ZNF518A: variants seen among roughly 807,000 people sequenced by gnomAD.
The protein encoded by ZNF518A is zinc finger protein 518.
A neutral mutation model predicts 102.7 loss-of-function variants in ZNF518A; 47 were observed. The ratio of observed to expected loss-of-function variants is 0.46; its 90% confidence interval spans 0.36 to 0.58. The LOEUF is 0.58. ZNF518A is among the 20% of genes least tolerant of loss of function. The probability of loss-of-function intolerance (pLI) is 0.00; values close to 1 mark genes in which losing one functional copy is unlikely to be tolerated. For missense variants in ZNF518A, 1,793 were observed against 1,699.8 expected (o/e 1.05, Z -0.96); for synonymous variants, 652 against 594.6 (o/e 1.10, Z -1.40).
chr10:96,150,999 C>CCGGG (rs1170173013), intron 3 of ZNF518A, among the ~76,000 whole-genome samples: 1 of 151,866 alleles, frequency 6.6e-6, no homozygotes, highest in Non-Finnish European at 1.5e-5. Flanking sequence ...GTGATCCGCC[C>CCGGG]CCCTCGGCCT....
chr10:96,148,544 C>T (rs1413769014), intron 3 of ZNF518A, among the ~76,000 whole-genome samples: 1 of 48 alleles, frequency 0.021, no homozygotes, highest in African/African-American at 0.071. Context: ...AGGGTTTTCT[C>T]AGACTGTCCA....
chr10:96,138,292 G>C (rs2081721852), intron 3 of ZNF518A, among the ~76,000 whole-genome samples: 2 of 152,158 alleles, frequency 1.3e-5, no homozygotes, highest in Admixed American at 1.3e-4. Flanking sequence ...TAAAACCAAA[G>C]CCTTTACAGT....
In ZNF518A at chr10:96,157,431, G is replaced by A. The variant is rs782650203; in HGVS notation, c.1109G>A (p.Ser370Asn). The change falls in exon 6 of 6, where the codon AGT becomes AAT. Residue 370 changes from serine to asparagine, a missense_variant. Physicochemically the swap from Ser to Asn is conservative, Grantham distance 46. Coordinates refer to ENST00000316045, the MANE Select transcript of ZNF518A (RefSeq NM_001330736.2). ...AGCCATGTTGTTCAAGAGCATTTAA[G>A]TGAAGAAAAGGATGAAAGACTACAC... ...DQSHVVQEHL[S>N]EEKDERLHCE... is the part of the protein sequence containing the mutation. 1.9e-6 allele frequency: 3 copies of A among 1,613,478 alleles called. No individual in the cohort carries two copies. The Admixed American group carries it at 5.0e-5, about 27-fold the overall frequency.
At chr10:96,203,516 T>G (rs1554896711) in intron 1 of ZNF518A, 1 of 152,122 alleles carries the variant, frequency 6.6e-6, no homozygotes, top group Admixed American at 6.5e-5. Flanking sequence ...TGCAGGCAAA[T>G]TAAGGTTTGG....
chr10:96,167,911 A>G (rs782586727), downstream of ZNF518A, among the ~76,000 whole-genome samples: 6 of 152,256 alleles, frequency 3.9e-5, no homozygotes, highest in Non-Finnish European at 7.3e-5. Flanking sequence ...CGTTTTTATT[A>G]CAGGAGGTTG....
chr10:96,188,887 C>T (rs2083289183), intron 1 of ZNF518A, among the ~76,000 whole-genome samples: 1 of 152,166 alleles, frequency 6.6e-6, no homozygotes, highest in Non-Finnish European at 1.5e-5. Context: ...GCCACCAGGG[C>T]CATGCTCCCT....
rs782438272 is a variant in ZNF518A at position 96,160,216 on chromosome 10, G to A, written c.3894G>A (p.Lys1298=). ...GAAGAAAAGCAACATTGCATAGAAA[G>A]TGTAAAGAAAAGGCAAAACCTGAAG... ...PPRRKATLHR[K]CKEKAKPEDV... Residue 1298 remains lysine, a synonymous_variant, in exon 6 of 6, where the codon AAG becomes AAA. Transcript: ENST00000316045. 4.3e-6 allele frequency: 7 copies of A among 1,612,196 alleles called. No homozygotes were observed. The highest frequency in any genetic ancestry group is 1.7e-5 in the Admixed American group (1 of 59,628).
chr10:96,131,068 C>T (rs1472788968), intron 1 of ZNF518A, among the ~76,000 whole-genome samples: 1 of 152,112 alleles, frequency 6.6e-6, no homozygotes, highest in Non-Finnish European at 1.5e-5. Context: ...TGTTTTAGTG[C>T]AAACATTGTT....
chr10:96,159,154 T>C lies in ZNF518A; in HGVS notation c.2832T>C (p.Ile944=), dbSNP rs782613324. 1.2e-6 allele frequency: 2 copies of C among 1,613,652 alleles called. No homozygotes were observed. The highest frequency in any genetic ancestry group is 1.7e-6 in the Non-Finnish European group (2 of 1,179,740). ...AAGGATTCTTAATACCATTGAACAT[T>C]ACTAACAAGCCTGGGCTACCAGTTA... ...TSKGFLIPLN[I]TNKPGLPVIP... Residue 944 remains isoleucine, a synonymous_variant, in exon 6 of 6, where the codon ATT becomes ATC. Transcript: ENST00000316045.
chr10:96,183,663 A>C (rs1272744349), intron 1 of ZNF518A, among the ~76,000 whole-genome samples: 1 of 152,190 alleles, frequency 6.6e-6, no homozygotes, highest in Non-Finnish European at 1.5e-5. Context: ...ATTTGATTGC[A>C]CTGTGGTCTG....
chr10:96,190,214 T>C (rs1329974039), intron 1 of ZNF518A: 13 of 765,278 alleles, frequency 1.7e-5, no homozygotes, highest in Non-Finnish European at 2.8e-5. Context: ...CCATCGAATC[T>C]TCCATCAGGT....
chr10:96,151,736 A>G (rs782351967), intron 3 of ZNF518A, among the ~76,000 whole-genome samples: 8 of 152,214 alleles, frequency 5.3e-5, no homozygotes, highest in African/African-American at 1.9e-4. Flanking sequence ...CTCTCACCAG[A>G]CTGTTTGCTG....
intron 3 of ZNF518A, among the ~76,000 whole-genome samples, chr10:96,153,180 AAG>A (rs1246032116): frequency 1.3e-5 from 2 of 152,184 alleles, no homozygotes; most frequent in African/African-American, 2.4e-5. Flanking sequence ...GGGCAGGAGG[AAG>A]AGAGTATCCT....
At chr10:96,170,842 C>A (rs1404815963) in intron 1 of ZNF518A, among the ~76,000 whole-genome samples, 1 of 152,102 alleles carries the variant, frequency 6.6e-6, no homozygotes, top group African/African-American at 2.4e-5. Flanking sequence ...TCTGATTATG[C>A]ATTTTAATTT....
intron 3 of ZNF518A, among the ~76,000 whole-genome samples, chr10:96,146,727 TTC>T (rs1554878649): frequency 6.6e-6 from 1 of 152,230 alleles, no homozygotes; most frequent in Non-Finnish European, 1.5e-5. Context: ...CCTCATTGTG[TTC>T]TCTCTGGTCA....
chr10:96,200,662 T>C lies in ZNF518A; in HGVS notation n.36-2912T>C, dbSNP rs1229598075. On this transcript the variant is annotated intron_variant and non_coding_transcript_variant, in intron 1 of 2. Transcript: ENST00000442635. This position sits in a 1 kb window ranked among gnomAD's most constrained non-coding sequence, Gnocchi z 4.3. ...CCTTTATAAACTGTGCTGTCTTATA[T>C]GTGATTTAATATCATCAGCCTCTAC... is the stretch of plus-strand genomic sequence containing the variant. 6.6e-6 allele frequency among the ~76,000 whole-genome samples: 1 copy of C among 152,242 alleles called. No individual in the cohort carries two copies. Among genetic ancestry groups the C allele is most frequent in the Non-Finnish European group, 1.5e-5 (1 of 68,042 alleles).
Position 96,156,593 on chromosome 10 carries a change from A to G in ZNF518A, c.271A>G (p.Ser91Gly), listed in dbSNP as rs2082704533. 3 of 1,613,710 alleles carry G rather than the reference A, an allele frequency of 1.9e-6. No individual in the cohort carries two copies. The highest frequency in any genetic ancestry group is 2.5e-6 in the Non-Finnish European group (3 of 1,179,778). Reference protein sequence around the residue: ...ARKSISIKTVSCVEECTLLHK... With the variant: ...ARKSISIKTVGCVEECTLLHK... ...AAAATCTATCAGTATAAAGACTGTA[A>G]GCTGTGTAGAGGAGTGTACATTGCT... The change falls in exon 6 of 6, where the codon AGC (serine) becomes GGC (glycine). Residue 91 changes from serine (S) to glycine (G), a missense_variant. Physicochemically the swap from Ser to Gly is moderately conservative, Grantham distance 56. Around this residue, in one of 3 missense-constraint regions of ZNF518A, gnomAD observed 1,741 missense variants for 1,622.6 expected, o/e 1.07. Coordinates refer to ENST00000316045, the MANE Select transcript of ZNF518A (RefSeq NM_001330736.2).
chr10:96,143,007 C>T (rs1489281581), intron 3 of ZNF518A, among the ~76,000 whole-genome samples: 1 of 152,088 alleles, frequency 6.6e-6, no homozygotes, highest in Non-Finnish European at 1.5e-5. Flanking sequence ...GGGGTTTCGC[C>T]ATGTTGGCCA....
chr10:96,134,742 TA>T (rs1301873744), intron 3 of ZNF518A, among the ~76,000 whole-genome samples: 3 of 152,196 alleles, frequency 2.0e-5, no homozygotes, highest in Non-Finnish European at 4.4e-5. Context: ...TTGTGACTGG[TA>T]TGGCTGCATG....
Sources: gnomAD v4.1 joint callset for allele counts (sites outside exome capture counted in the v4.1 genomes callset) on GRCh38, gnomAD v4.1.1 for gene constraint, gnomAD v4.1.1 regional missense constraint, Gnocchi (gnomAD v3.1) non-coding constraint, MANE v1.5 for transcripts, NCBI Gene and HGNC (gene_info 2026-07-23, HGNC 2026-07-21) for gene names.